TAF4B: variants seen among roughly 807,000 people sequenced by gnomAD.
The protein encoded by TAF4B is TATA-box binding protein associated factor 4b.
Under a neutral mutation model 86.4 loss-of-function variants are expected in TAF4B, and 38 were observed. The ratio of observed to expected loss-of-function variants is 0.44; its 90% CI spans 0.34 to 0.58. The LOEUF is 0.58. TAF4B is among the 20% of genes least tolerant of loss of function. The probability of loss-of-function intolerance (pLI) is 0.02; values close to 1 mark genes in which losing one functional copy is unlikely to be tolerated. For missense variants in TAF4B, 988 were observed against 1,027.6 expected, an observed-to-expected ratio of 0.96 and a Z score of 0.53; for synonymous variants, 388 against 391.2, an observed-to-expected ratio of 0.99 and a Z score of 0.10.
intron 13 of TAF4B, among the ~76,000 whole-genome samples, chr18:26,349,876 G>A (rs981452475): frequency 3.0e-4 from 45 of 152,124 alleles, no homozygotes; most frequent in Admixed American, 2.9e-3. Flanking sequence ...TAGACCAACG[G>A]AACAGAATAG....
chr18:26,340,971 G>A (rs1365383166), intron 13 of TAF4B, among the ~76,000 whole-genome samples: 1 of 151,948 alleles, frequency 6.6e-6, no homozygotes, highest in Admixed American at 6.6e-5. Context: ...TTTCTTTACT[G>A]GTATACCTTA....
intron 5 of TAF4B, among the ~76,000 whole-genome samples, chr18:26,279,696 A>G (rs2144578448): frequency 6.6e-6 from 1 of 152,314 alleles, no homozygotes; most frequent in African/African-American, 2.4e-5. Context: ...GAACCCAGAA[A>G]TAAAGCTGCA....
chr18:26,387,043 T>G (rs1308028506), intron 14 of TAF4B, among the ~76,000 whole-genome samples: 1 of 152,114 alleles, frequency 6.6e-6, no homozygotes, highest in African/African-American at 2.4e-5. Context: ...GCTAAAGAAA[T>G]TGCCTCTAGT....
chr18:26,325,491 A>T (rs1171122349), intron 11 of TAF4B, among the ~76,000 whole-genome samples: 1 of 152,032 alleles, frequency 6.6e-6, no homozygotes, highest in Non-Finnish European at 1.5e-5. Flanking sequence ...TAGGGAGGGC[A>T]CTCATTTGTT....
Position 26,256,077 on chromosome 18 carries a change from T to A in TAF4B, c.344-9093T>A. The A allele has an allele frequency of 3.5e-6, 5 of 1,409,416 alleles. No homozygotes were observed. The South Asian group carries it at 5.8e-5, about 16-fold the overall frequency. The allele number at this position is 1,409,416 out of a possible 1,614,324, so 87.3% of individuals were successfully genotyped here. A position where few individuals can be genotyped will look rare whatever the true frequency, so the allele number is the denominator to read the frequency against. ...ATCTTGTTCCCAGATAGAGTCACTTTCTTTGGTTTCAATGTAGTCTTTAGA... is the reference window on the plus strand; with the variant it reads ...ATCTTGTTCCCAGATAGAGTCACTTACTTTGGTTTCAATGTAGTCTTTAGA... On this transcript the variant is annotated intron_variant, in intron 1 of 14. Coordinates refer to ENST00000269142, the MANE Select transcript of TAF4B (RefSeq NM_005640.3).
intron 1 of TAF4B, among the ~76,000 whole-genome samples, chr18:26,239,942 T>G (rs1406737504): frequency 6.6e-6 from 1 of 152,178 alleles, no homozygotes; most frequent in Non-Finnish European, 1.5e-5. Context: ...GTTCCATTGG[T>G]CTATATCTCT....
In TAF4B at chr18:26,315,385, A is replaced by G; in HGVS notation, c.1989A>G (p.Arg663=). 1 of 1,611,940 alleles carries G rather than the reference A, an allele frequency of 6.2e-7. No homozygotes were observed. Among genetic ancestry groups the G allele is most frequent in the Middle Eastern group, 1.7e-4 (1 of 6,056 alleles). ...TTTTTATTGGAGCTCTACAAAAGAG[A>G]ATTTTAGACATTGGTAAGTGTAGAG... ...PFLFIGALQK[R]ILDIGKKHDI... is the part of the protein sequence containing the mutation. Residue 663 remains arginine, a synonymous_variant, in exon 10 of 15, where the codon AGA becomes AGG. Transcript: ENST00000269142.
At chr18:26,339,534 C>G (rs897855511) in intron 13 of TAF4B, among the ~76,000 whole-genome samples, 2 of 152,180 alleles carry the variant, frequency 1.3e-5, no homozygotes, top group African/African-American at 4.8e-5. Context: ...CCAGTGTTAT[C>G]TAGGCTGATC....
At chr18:26,332,966 A>C (rs2057063191) in intron 12 of TAF4B, among the ~76,000 whole-genome samples, 2 of 151,738 alleles carry the variant, frequency 1.3e-5, no homozygotes, top group South Asian at 4.1e-4. Context: ...TCTTTCCTCG[A>C]GTATATTCCC....
At chr18:26,333,151 CTATT>C (rs1216570539) in intron 12 of TAF4B, among the ~76,000 whole-genome samples, 6 of 151,126 alleles carry the variant, frequency 4.0e-5, no homozygotes, top group South Asian at 2.1e-4. Context: ...TCACATTATT[CTATT>C]TATTTTCTTT....
intron 14 of TAF4B, among the ~76,000 whole-genome samples, chr18:26,364,848 A>G (rs2057359770): frequency 1.3e-5 from 2 of 152,236 alleles, no homozygotes; most frequent in South Asian, 4.1e-4. Flanking sequence ...TTCTGTAACA[A>G]TCAGGTTTAC....
chr18:26,321,018 TC>T, intron 10 of TAF4B, 51 bp from the exon 11 acceptor site: 1 of 1,605,164 alleles, frequency 6.2e-7, no homozygotes. Flanking sequence ...GCTAATTATT[TC>T]AATTATCAGC....
intron 13 of TAF4B, among the ~76,000 whole-genome samples, chr18:26,350,961 A>G (rs566952300): frequency 2.0e-5 from 3 of 152,334 alleles, no homozygotes; most frequent in Admixed American, 6.5e-5. Flanking sequence ...GAAGAATGGC[A>G]TGGAGATTCC....
chr18:26,242,126 G>A (rs2055849057), intron 1 of TAF4B, among the ~76,000 whole-genome samples: 1 of 152,116 alleles, frequency 6.6e-6, no homozygotes, highest in African/African-American at 2.4e-5. Context: ...CTGAGTTCAA[G>A]TCCTGGATAT....
At chr18:26,318,885 A>G (rs1042796356) in intron 10 of TAF4B, among the ~76,000 whole-genome samples, 7 of 152,222 alleles carry the variant, frequency 4.6e-5, no homozygotes, top group Non-Finnish European at 1.0e-4. Flanking sequence ...ATGAATACAT[A>G]TGAAATTATT....
chr18:26,261,160 A>G (rs940401245), intron 1 of TAF4B, among the ~76,000 whole-genome samples: 1 of 146,584 alleles, frequency 6.8e-6, no homozygotes, highest in East Asian at 2.0e-4. Context: ...ATCCTTGAAC[A>G]TGAGCACTGT....
At chr18:26,235,466 C>G (rs2055735190) in intron 1 of TAF4B, among the ~76,000 whole-genome samples, 1 of 152,188 alleles carries the variant, frequency 6.6e-6, no homozygotes. Context: ...GCCTTGTACC[C>G]TTGATTAGCT....
chr18:26,285,371 A>G (rs1012016046), intron 6 of TAF4B, among the ~76,000 whole-genome samples: 2 of 151,264 alleles, frequency 1.3e-5, no homozygotes, highest in Non-Finnish European at 2.9e-5. Flanking sequence ...TATTTTTTGT[A>G]TAGATGGGGT....
intron 3 of TAF4B, among the ~76,000 whole-genome samples, chr18:26,272,340 T>C (rs2056330592): frequency 6.6e-6 from 1 of 152,178 alleles, no homozygotes. Flanking sequence ...CAGGCAGTAA[T>C]GCTCACTTGC....
Sources: gnomAD v4.1 joint callset for allele counts (sites outside exome capture counted in the v4.1 genomes callset) on GRCh38, gnomAD v4.1.1 for gene constraint, MANE v1.5 for transcripts, NCBI Gene and HGNC (gene_info 2026-07-23, HGNC 2026-07-21) for gene names.